REPS2: variants seen among roughly 807,000 people sequenced by gnomAD.
The protein encoded by REPS2 is RALBP1 associated Eps domain containing 2.
In REPS2, 23 loss-of-function variants were observed where a neutral mutation model predicts 53.6. The ratio of observed to expected loss-of-function variants is 0.43; its 90% CI spans 0.31 to 0.61. The LOEUF (loss-of-function observed/expected upper bound fraction) is 0.61. Among genes scored for constraint, REPS2 ranks in the 20% least tolerant of loss-of-function variants. REPS2 has a pLI of 0.11. For missense variants in REPS2, 446 were observed against 534.9 expected, an observed-to-expected ratio of 0.83 and a Z score of 1.64; for synonymous variants, 238 against 218.6, an observed-to-expected ratio of 1.09 and a Z score of -0.78.
intron 1 of REPS2, among the ~76,000 whole-genome samples, chrX:16,968,088 C>T (rs1272283709): frequency 9.0e-6 from 1 of 111,318 alleles, no homozygotes; most frequent in Non-Finnish European, 1.9e-5. Flanking sequence ...CAAAGCACAT[C>T]TTGCACCGCC....
At chrX:17,158,544 G>GT in the REPS2 span, among the ~76,000 whole-genome samples, 1 of 111,860 alleles carries the variant, frequency 8.9e-6, no homozygotes, top group South Asian at 3.7e-4. Context: ...TGTGTCTCAA[G>GT]TTTTTTAAAC....
At chrX:17,137,840 C>T (rs180685033) in intron 16 of REPS2, 1 of 111,884 alleles carries the variant, frequency 8.9e-6, no homozygotes, top group African/African-American at 3.3e-5. Flanking sequence ...AACTCCTGGC[C>T]TCAAGTGATC....
intron 13 of REPS2, among the ~76,000 whole-genome samples, chrX:17,097,302 A>G (rs2062717264): frequency 1.8e-5 from 2 of 112,147 alleles, no homozygotes; most frequent in Admixed American, 9.4e-5. Context: ...AATCAAATAA[A>G]CTAAGTTTGC....
the REPS2 span, among the ~76,000 whole-genome samples, chrX:17,172,137 C>T: frequency 8.0e-5 from 9 of 111,854 alleles, no homozygotes; most frequent in East Asian, 1.1e-3. Flanking sequence ...AAATACAATA[C>T]TTGGGTAGCC....
At chrX:17,165,030 TCCA>T in the REPS2 span, among the ~76,000 whole-genome samples, 11 of 105,197 alleles carry the variant, frequency 1.0e-4, no homozygotes, top group Non-Finnish European at 1.8e-4. Flanking sequence ...TCCTAGACAT[TCCA>T]CCACCACCAC....
intron 1 of REPS2, among the ~76,000 whole-genome samples, chrX:16,997,894 T>C (rs2061251086): frequency 9.0e-6 from 1 of 111,677 alleles, no homozygotes; most frequent in Admixed American, 9.5e-5. Context: ...AGAACCATGC[T>C]CAGCTGGGCA....
intron 1 of REPS2, among the ~76,000 whole-genome samples, chrX:16,991,281 A>T: frequency 9.0e-6 from 1 of 110,633 alleles, no homozygotes; most frequent in Non-Finnish European, 1.9e-5. Context: ...TGGGATGGAG[A>T]GATTCATTCT....
chrX:17,034,030 G>A (rs754576303), intron 5 of REPS2, among the ~76,000 whole-genome samples: 7 of 111,555 alleles, frequency 6.3e-5, no homozygotes, highest in South Asian at 3.8e-4. Context: ...AACGTGAAAC[G>A]TAAGTGTTTT....
intron 13 of REPS2, among the ~76,000 whole-genome samples, chrX:17,096,005 T>G (rs1325736085): frequency 8.9e-6 from 1 of 112,145 alleles, no homozygotes; most frequent in Non-Finnish European, 1.9e-5. Context: ...GTTAATGAGT[T>G]AAGAGTGAGA....
At chrX:16,950,936 C>T (rs1488029867) in intron 1 of REPS2, among the ~76,000 whole-genome samples, 2 of 112,190 alleles carry the variant, frequency 1.8e-5, no homozygotes, top group Admixed American at 9.5e-5. Flanking sequence ...GTCCTAGCTA[C>T]TCTGGAGGCT....
intron 1 of REPS2, among the ~76,000 whole-genome samples, chrX:16,991,801 CT>C (rs1243755864): frequency 1.7e-4 from 19 of 110,915 alleles, no homozygotes; most frequent in African/African-American, 5.9e-4. Context: ...TGGGAACCCC[CT>C]ATGAAGATGA....
the REPS2 span, among the ~76,000 whole-genome samples, chrX:17,173,711 T>C: frequency 1.8e-5 from 2 of 112,201 alleles, no homozygotes; most frequent in African/African-American, 6.5e-5. Context: ...TCCCTTATAT[T>C]TGAACCTTAG....
At chrX:17,032,274 C>T (rs1378780250) in intron 5 of REPS2, among the ~76,000 whole-genome samples, 1 of 111,996 alleles carries the variant, frequency 8.9e-6, no homozygotes, top group Non-Finnish European at 1.9e-5. Flanking sequence ...CAGACAGGTG[C>T]TCGCCCAAGT....
intron 13 of REPS2, among the ~76,000 whole-genome samples, chrX:17,099,289 A>T (rs1306207181): frequency 9.0e-6 from 1 of 111,333 alleles, no homozygotes; most frequent in Non-Finnish European, 1.9e-5. Context: ...CCCAAATTTT[A>T]ATCAAAATGA....
intron 13 of REPS2, among the ~76,000 whole-genome samples, chrX:17,097,330 A>G (rs373425531): frequency 9.6e-4 from 108 of 112,440 alleles, no homozygotes; most frequent in African/African-American, 3.3e-3. Flanking sequence ...AGACTTCTCA[A>G]TTAAGGAAAT....
intron 5 of REPS2, among the ~76,000 whole-genome samples, chrX:17,043,655 C>G (rs1246029922): frequency 8.9e-6 from 1 of 112,299 alleles, no homozygotes; most frequent in Non-Finnish European, 1.9e-5. Flanking sequence ...TTTCTCTTCT[C>G]ATTGGCCTTG....
intron 1 of REPS2, among the ~76,000 whole-genome samples, chrX:16,953,241 A>G (rs966767863): frequency 3.6e-5 from 4 of 112,290 alleles, no homozygotes; most frequent in Non-Finnish European, 7.5e-5. Flanking sequence ...AGATGTAGGA[A>G]GTACCAGAGC....
At chrX:17,178,068 A>G in the REPS2 span, among the ~76,000 whole-genome samples, 1 of 112,235 alleles carries the variant, frequency 8.9e-6, no homozygotes, top group East Asian at 2.8e-4. Flanking sequence ...GTTAACTAAA[A>G]GTAGTAAACC....
chrX:17,001,177 A>G (rs1413236375), intron 1 of REPS2, among the ~76,000 whole-genome samples: 4 of 112,674 alleles, frequency 3.6e-5, no homozygotes, highest in Non-Finnish European at 5.6e-5. Flanking sequence ...TACCTAGAAA[A>G]TTAGTATTTA....
Sources: allele counts gnomAD v4.1 joint callset (sites outside exome capture counted in the v4.1 genomes callset), GRCh38; gene constraint gnomAD v4.1.1; transcripts MANE v1.5; gene names NCBI Gene and HGNC (gene_info 2026-07-23, HGNC 2026-07-21).